Variants in ABCB1 observed in about 807,000 individuals in gnomAD.
ABCB1 encodes ATP binding cassette subfamily B member 1.
A neutral mutation model predicts 142.0 loss-of-function variants in ABCB1; 69 were observed. The observed-to-expected ratio is 0.49, with a 90% CI of 0.40 to 0.59. ABCB1 has a LOEUF of 0.59. ABCB1 is among the 20% of genes least tolerant of loss of function. ABCB1 has a pLI of 0.00. For missense variants in ABCB1, 1,326 were observed against 1,554.7 expected (o/e 0.85, Z 2.47); for synonymous variants, 532 against 539.2 (o/e 0.99, Z 0.18).
chr7:87,523,764 A>G (rs1192576223), intron 21 of ABCB1, among the ~76,000 whole-genome samples: 1 of 152,232 alleles, frequency 6.6e-6, no homozygotes, highest in Admixed American at 6.5e-5. Context: ...CCAGTGTACA[A>G]GATGAGATTT....
intron 1 of ABCB1, among the ~76,000 whole-genome samples, chr7:87,652,367 T>C (rs1241306070): frequency 6.6e-6 from 1 of 152,034 alleles, no homozygotes; most frequent in Non-Finnish European, 1.5e-5. Context: ...CGCACTAATC[T>C]GCCATCTTCT....
intron 4 of ABCB1, among the ~76,000 whole-genome samples, chr7:87,575,355 T>A (rs1818228729): frequency 6.6e-6 from 1 of 152,192 alleles, no homozygotes; most frequent in African/African-American, 2.4e-5. Context: ...CCACAGAGAC[T>A]TCATGCCAGG....
At chr7:87,694,877 T>A (rs892377982) in intron 1 of ABCB1, among the ~76,000 whole-genome samples, 8 of 152,178 alleles carry the variant, frequency 5.3e-5, no homozygotes, top group South Asian at 2.1e-4. Context: ...AATCTTTTTG[T>A]TTTGGAAAAT....
chr7:87,711,162 A>C (rs1830046172), intron 1 of ABCB1, among the ~76,000 whole-genome samples: 1 of 151,886 alleles, frequency 6.6e-6, no homozygotes, highest in African/African-American at 2.4e-5. Context: ...CCCCGTCTCT[A>C]CTCAAAATAC....
At chr7:87,682,869 G>A (rs1827064547) in intron 1 of ABCB1, among the ~76,000 whole-genome samples, 1 of 152,092 alleles carries the variant, frequency 6.6e-6, no homozygotes, top group South Asian at 2.1e-4. Context: ...TTAAAGCCAG[G>A]CATTAACTTC....
intron 2 of ABCB1, among the ~76,000 whole-genome samples, chr7:87,598,368 T>G (rs1349283257): frequency 6.6e-6 from 1 of 152,220 alleles, no homozygotes; most frequent in African/African-American, 2.4e-5. Context: ...CTAGGTGATG[T>G]TGTTTACTCA....
intron 1 of ABCB1, among the ~76,000 whole-genome samples, chr7:87,617,261 G>A (rs543472697): frequency 6.6e-6 from 1 of 152,284 alleles, no homozygotes; most frequent in South Asian, 2.1e-4. Flanking sequence ...AACATTGTCA[G>A]TTGTCCAAAA....
intron 1 of ABCB1, among the ~76,000 whole-genome samples, chr7:87,631,491 C>T (rs1353270774): frequency 4.6e-5 from 7 of 152,170 alleles, no homozygotes; most frequent in African/African-American, 9.6e-5. Context: ...CCCGGGTTCA[C>T]GCCATTCTCC....
upstream of ABCB1, among the ~76,000 whole-genome samples, chr7:87,603,833 C>A (rs1819551644): frequency 6.6e-6 from 1 of 152,140 alleles, no homozygotes; most frequent in South Asian, 2.1e-4. Flanking sequence ...CTCTGCTATC[C>A]CACAGTTACC....
At chr7:87,550,899 ACTT>A (rs1482891635) in intron 9 of ABCB1, 61 bp from the exon 10 acceptor site, 15 of 1,011,260 alleles carry the variant, frequency 1.5e-5, no homozygotes, top group African/African-American at 6.3e-5. Flanking sequence ...TTTTTTTCAT[ACTT>A]CTTCTGTCTT....
At chr7:87,593,867 C>G (rs1217252998) in intron 3 of ABCB1, among the ~76,000 whole-genome samples, 5 of 152,150 alleles carry the variant, frequency 3.3e-5, no homozygotes, top group Non-Finnish European at 7.4e-5. Context: ...TCTCCCCACT[C>G]GCCTTTTGCC....
intron 1 of ABCB1, among the ~76,000 whole-genome samples, chr7:87,660,204 A>G (rs1824548051): frequency 6.6e-6 from 1 of 152,084 alleles, no homozygotes; most frequent in Admixed American, 6.6e-5. Flanking sequence ...GTTACCAGTA[A>G]AAACTCTCTG....
intron 26 of ABCB1, among the ~76,000 whole-genome samples, chr7:87,508,336 T>G (rs1814842040): frequency 6.6e-6 from 1 of 152,208 alleles, no homozygotes; most frequent in Non-Finnish European, 1.5e-5. Flanking sequence ...TTATTAAAAA[T>G]TTGTATAAAA....
chr7:87,587,124 A>G (rs896621497), intron 3 of ABCB1, among the ~76,000 whole-genome samples: 1 of 152,198 alleles, frequency 6.6e-6, no homozygotes, highest in South Asian at 2.1e-4. Context: ...ATTTTGCACT[A>G]TGTACTTTGT....
chr7:87,595,765 C>T lies in ABCB1; in HGVS notation c.117+1G>A, dbSNP rs1306209813. On this transcript the variant is annotated splice_donor_variant, in intron 3 of 27. Coordinates refer to ENST00000622132, the MANE Select transcript of ABCB1 (RefSeq NM_001348946.2). LOFTEE classifies it high-confidence loss of function. ...GAATAGTTAATAAATTCAAAACTCA[C>T]CATTGAAAATACACTGACAGTTGGT... The T allele has an allele frequency of 1.2e-6, 2 of 1,605,124 alleles. No homozygotes were observed. Among genetic ancestry groups the T allele is most frequent in the African/African-American group, 1.3e-5 (1 of 74,678 alleles).
chr7:87,654,695 A>G (rs1259247714), intron 1 of ABCB1, among the ~76,000 whole-genome samples: 1 of 152,112 alleles, frequency 6.6e-6, no homozygotes, highest in Non-Finnish European at 1.5e-5. Flanking sequence ...TGACACCACA[A>G]GCACAGGCAA....
intron 1 of ABCB1, chr7:87,628,811 G>A: frequency 1.6e-6 from 2 of 1,234,822 alleles, no homozygotes; most frequent in Non-Finnish European, 1.0e-6. Flanking sequence ...AGGGGCACGG[G>A]GGTAAGCCCG....
intron 1 of ABCB1, among the ~76,000 whole-genome samples, chr7:87,625,114 G>A (rs540560916): frequency 3.3e-5 from 5 of 152,072 alleles, no homozygotes; most frequent in Non-Finnish European, 5.9e-5. Context: ...AAAATTAGCC[G>A]GGCGTGGTGG....
intron 1 of ABCB1, among the ~76,000 whole-genome samples, chr7:87,617,625 G>A (rs187714129): frequency 6.6e-5 from 10 of 152,300 alleles, no homozygotes; most frequent in Non-Finnish European, 1.3e-4. Context: ...CACAAAGACT[G>A]TAGTCCTAAG....
Sources: gnomAD v4.1 joint callset for allele counts (sites outside exome capture counted in the v4.1 genomes callset) on GRCh38, gnomAD v4.1.1 for gene constraint, MANE v1.5 for transcripts, NCBI Gene and HGNC (gene_info 2026-07-23, HGNC 2026-07-21) for gene names.